Variants in UGT1A10 observed in about 807,000 individuals in gnomAD.
The protein encoded by UGT1A10 is UDP-glucuronosyltransferase 1A10.
UGT1A10 carries 49 observed loss-of-function variants against 45.8 expected under a neutral mutation model. That is an observed-to-expected ratio of 1.07 (90% CI 0.85 to 1.36). UGT1A10 has a LOEUF of 1.36. Ranked by LOEUF, UGT1A10 falls within the 40% of genes most tolerant of loss-of-function variation. The probability of loss-of-function intolerance (pLI) is 0.00; values close to 1 mark genes in which losing one functional copy is unlikely to be tolerated. For synonymous variants in UGT1A10, 284 were observed against 249.7 expected (o/e 1.14, Z -1.29); for missense variants, 745 against 668.6 (o/e 1.11, Z -1.26).
chr2:233,756,708 CT>C (rs1473385409), intron 1 of UGT1A10, among the ~76,000 whole-genome samples: 11 of 152,108 alleles, frequency 7.2e-5, no homozygotes, highest in Non-Finnish European at 1.6e-4. Context: ...TTTGGGGGGA[CT>C]TTTTTTGAGA....
chr2:233,648,851 C>T (rs1575400278), intron 1 of UGT1A10: 10 of 1,190,110 alleles, frequency 8.4e-6, no homozygotes, highest in Non-Finnish European at 1.2e-5. Context: ...TTCAAAAATG[C>T]CTTAAACATA....
intron 1 of UGT1A10, chr2:233,747,088 C>A: frequency 2.5e-6 from 3 of 1,192,376 alleles, no homozygotes; most frequent in East Asian, 2.7e-5. Flanking sequence ...AGGAGGAGAG[C>A]ACTCTATCTT....
intron 1 of UGT1A10, among the ~76,000 whole-genome samples, chr2:233,680,422 T>C (rs2074486233): frequency 1.3e-5 from 2 of 152,154 alleles, no homozygotes; most frequent in South Asian, 4.2e-4. Flanking sequence ...ATTATAGTAG[T>C]GTAGTATGTA....
chr2:233,695,432 CTTCT>C (rs1351238624), intron 1 of UGT1A10, among the ~76,000 whole-genome samples: 3 of 151,108 alleles, frequency 2.0e-5, no homozygotes, highest in Non-Finnish European at 1.5e-5. Flanking sequence ...CCTTCTTCTT[CTTCT>C]TTTTTTTTTG....
chr2:233,747,312 G>T, intron 1 of UGT1A10: 1 of 1,603,228 alleles, frequency 6.2e-7, no homozygotes, highest in Non-Finnish European at 8.5e-7. Context: ...AGGTGCTGGT[G>T]GTACCCATTG....
At chr2:233,670,599 C>T (rs1381463250) in intron 1 of UGT1A10, among the ~76,000 whole-genome samples, 1 of 152,226 alleles carries the variant, frequency 6.6e-6, no homozygotes, top group Non-Finnish European at 1.5e-5. Context: ...TTCAAAAGCA[C>T]TCATCTCCAT....
At chr2:233,729,409 G>C (rs1264400033) in intron 1 of UGT1A10, 1 of 1,613,762 alleles carries the variant, frequency 6.2e-7, no homozygotes, top group South Asian at 1.1e-5. Context: ...CCATGTGCTG[G>C]GCCACACTCA....
chr2:233,690,703 T>A, intron 1 of UGT1A10: 1 of 1,231,228 alleles, frequency 8.1e-7, no homozygotes, highest in South Asian at 1.4e-5. Context: ...TCTTTAGGGA[T>A]CGTCATTATG....
At chr2:233,713,545 C>T (rs754205672) in intron 1 of UGT1A10, 16 of 1,613,878 alleles carry the variant, frequency 9.9e-6, no homozygotes, top group African/African-American at 1.3e-5. Context: ...TTTAAGGGCA[C>T]ACAGTGTCCA....
At chr2:233,743,757 C>G (rs774172513) in intron 1 of UGT1A10, 2 of 1,367,374 alleles carry the variant, frequency 1.5e-6, no homozygotes, top group South Asian at 1.1e-5. Context: ...GACAACACCT[C>G]GTAGGCCTCG....
At chr2:233,669,156 A>C (rs2074133055) in intron 1 of UGT1A10, among the ~76,000 whole-genome samples, 2 of 152,196 alleles carry the variant, frequency 1.3e-5, no homozygotes, top group South Asian at 2.1e-4. Context: ...TCATACTTCT[A>C]TTTCTGGGTA....
intron 1 of UGT1A10, among the ~76,000 whole-genome samples, chr2:233,724,141 C>T (rs1432728282): frequency 6.1e-5 from 7 of 115,170 alleles, no homozygotes; most frequent in African/African-American, 2.0e-4. Context: ...CCGGACGGGG[C>T]GGCTGGCCGG....
intron 1 of UGT1A10, among the ~76,000 whole-genome samples, chr2:233,753,843 T>A (rs529676681): frequency 6.6e-6 from 1 of 152,338 alleles, no homozygotes; most frequent in South Asian, 2.1e-4. Flanking sequence ...TCCTAGTATA[T>A]CATTGACCAA....
chr2:233,752,699 G>C (rs1695036146), intron 1 of UGT1A10, among the ~76,000 whole-genome samples: 3 of 152,058 alleles, frequency 2.0e-5, no homozygotes, highest in Non-Finnish European at 4.4e-5. Flanking sequence ...TTACTAGTGG[G>C]GTATGATCTT....
chr2:233,685,426 T>C (rs944472894), intron 1 of UGT1A10, among the ~76,000 whole-genome samples: 7 of 151,650 alleles, frequency 4.6e-5, no homozygotes, highest in African/African-American at 1.7e-4. Flanking sequence ...AATCCAGTTA[T>C]AAAGAATTCG....
intron 1 of UGT1A10, chr2:233,750,809 A>C (rs893471705): frequency 1.3e-5 from 2 of 151,828 alleles, no homozygotes; most frequent in African/African-American, 4.9e-5. Context: ...AGGTTTGGGA[A>C]CCTCCACATA....
At chr2:233,685,191 A>G (rs186817680) in intron 1 of UGT1A10, among the ~76,000 whole-genome samples, 6 of 152,148 alleles carry the variant, frequency 3.9e-5, no homozygotes, top group African/African-American at 1.4e-4. Flanking sequence ...AGAACATTAA[A>G]ACGGTTTTGT....
chr2:233,685,060 G>T (rs13002774), intron 1 of UGT1A10, among the ~76,000 whole-genome samples: 1 of 151,894 alleles, frequency 6.6e-6, no homozygotes, highest in Admixed American at 6.6e-5. Context: ...CTTAAGCTCT[G>T]CACAGGAGAT....
At chr2:233,693,455 C>T (rs773557629) in intron 1 of UGT1A10, 7 of 1,614,054 alleles carry the variant, frequency 4.3e-6, no homozygotes, top group South Asian at 1.1e-5. Context: ...TTTCACAGAC[C>T]CAGCCTTACC....
Sources: gnomAD v4.1 joint callset for allele counts (sites outside exome capture counted in the v4.1 genomes callset) on GRCh38, gnomAD v4.1.1 for gene constraint, MANE v1.5 for transcripts, NCBI Gene and HGNC (gene_info 2026-07-23, HGNC 2026-07-21) for gene names.